The following TACO1 variants were observed in gnomAD, a reference collection of about 807,000 sequenced individuals.
TACO1 encodes translational activator of cytochrome c oxidase I.
Under a neutral mutation model 24.0 loss-of-function variants are expected in TACO1, and 13 were observed. The observed-to-expected ratio is 0.54, with a 90% CI of 0.35 to 0.86. The LOEUF is 0.86. Among genes scored for constraint, TACO1 ranks in the 40% least tolerant of loss-of-function variants. TACO1 has a pLI of 0.01. For missense variants in TACO1, 352 were observed against 380.1 expected (o/e 0.93, Z 0.61); for synonymous variants, 149 against 153.5 (o/e 0.97, Z 0.22).
chr17:63,608,135 T>A lies in TACO1; in HGVS notation c.*133T>A. 1.0e-6 allele frequency: 1 copy of A among 987,116 alleles called. No individual in the cohort carries two copies. Among genetic ancestry groups the A allele is most frequent in the South Asian group, 1.4e-5 (1 of 72,672 alleles). The allele number at this position is 987,116 out of a possible 1,614,324, so 61.1% of individuals were successfully genotyped here. On this transcript the variant is annotated 3_prime_UTR_variant, in exon 5 of 5. Coordinates refer to ENST00000258975, the MANE Select transcript of TACO1 (RefSeq NM_016360.4). ...GGCCAGGAGGCCCAAGGACAGGACTTGCGACCTTGAAGCCAAAGGAATCTC... is the reference window on the plus strand; with the variant it reads ...GGCCAGGAGGCCCAAGGACAGGACTAGCGACCTTGAAGCCAAAGGAATCTC...
Position 63,601,498 on chromosome 17 carries a change from G to A in TACO1, c.280+135G>A, listed in dbSNP as rs2033821529. 4 of 966,152 alleles carry A rather than the reference G, an allele frequency of 4.1e-6. No homozygotes were observed. In the Admixed American group the frequency reaches 8.1e-5, roughly 19 times the overall value. The allele number at this position is 966,152 out of a possible 1,614,324, so 59.8% of individuals were successfully genotyped here. A position where few individuals can be genotyped will look rare whatever the true frequency, so the allele number is the denominator to read the frequency against. Reference sequence around the variant, plus strand: ...TTTTCCTTCCCCAGTACCCACCATTGCCCACCTCATAAATCCTCAAAACAC... The same window carrying A: ...TTTTCCTTCCCCAGTACCCACCATTACCCACCTCATAAATCCTCAAAACAC... On this transcript the variant is annotated intron_variant, in intron 1 of 4. Coordinates refer to ENST00000258975, the MANE Select transcript of TACO1 (RefSeq NM_016360.4).
At position 63,604,615 on chromosome 17, in the gene TACO1, C is replaced by G; in HGVS notation, c.362C>G (p.Thr121Arg). ...VCRSKHMPKS[T>R]IETALKMEKS... ...CGCAGCAAACATATGCCCAAGTCAACGATTGAGACAGCACTGAAAATGGAG... is the reference window on the plus strand; with the variant it reads ...CGCAGCAAACATATGCCCAAGTCAAGGATTGAGACAGCACTGAAAATGGAG... Residue 121 changes from threonine (T) to arginine (R), a missense_variant, in exon 2 of 5, where the codon ACG becomes AGG. Coordinates refer to ENST00000258975, the MANE Select transcript of TACO1 (RefSeq NM_016360.4). 1 of 1,614,034 alleles carries G rather than the reference C, an allele frequency of 6.2e-7. No individual in the cohort carries two copies. Among genetic ancestry groups the G allele is most frequent in the Non-Finnish European group, 8.5e-7 (1 of 1,179,998 alleles).
At chr17:63,603,990 G>A (rs1010061602) in intron 1 of TACO1, among the ~76,000 whole-genome samples, 21 of 151,944 alleles carry the variant, frequency 1.4e-4, no homozygotes, top group Admixed American at 1.2e-3. Context: ...CTGCACTCCA[G>A]CCTGGGTGAC....
intron 1 of TACO1, among the ~76,000 whole-genome samples, chr17:63,602,901 C>T (rs1460638440): frequency 3.3e-5 from 5 of 152,128 alleles, no homozygotes; most frequent in African/African-American, 9.7e-5. Context: ...GAGATACAGC[C>T]CCTACCCTCA....
Position 63,606,496 on chromosome 17 carries a change from C to G in TACO1, c.515+56C>G. 5 of 1,607,534 alleles carry G rather than the reference C, an allele frequency of 3.1e-6. No individual in the cohort carries two copies. In the Admixed American group the frequency reaches 8.3e-5, roughly 27 times the overall value. On this transcript the variant is annotated intron_variant, in intron 3 of 4. Transcript: ENST00000258975. Reference sequence around the variant, plus strand: ...GACAGAGCCTTTATGTTCCAATTCTCTGCAAGGCAAGTACTGTTGATCTCT... The same window carrying G: ...GACAGAGCCTTTATGTTCCAATTCTGTGCAAGGCAAGTACTGTTGATCTCT...
intron 1 of TACO1, among the ~76,000 whole-genome samples, chr17:63,602,173 T>G (rs577628441): frequency 6.7e-6 from 1 of 148,202 alleles, no homozygotes; most frequent in African/African-American, 2.5e-5. Flanking sequence ...AGCAGGAGAA[T>G]TGCTTGAACC....
intron 1 of TACO1, among the ~76,000 whole-genome samples, chr17:63,604,018 C>CA (rs1005513192): frequency 1.5e-3 from 191 of 127,370 alleles, no homozygotes; most frequent in Admixed American, 3.0e-3. Flanking sequence ...GACTTTGTCT[C>CA]AAAAAAAAAA....
chr17:63,607,158 C>A, intron 3 of TACO1, 129 bp from the exon 4 acceptor site: 1 of 864,984 alleles, frequency 1.2e-6, no homozygotes, highest in Non-Finnish European at 1.9e-6. Context: ...CTTGAGGATG[C>A]GATCTGCTCC....
In TACO1 at chr17:63,601,140, A is replaced by G; in HGVS notation, c.57A>G (p.Ala19=). The G allele has an allele frequency of 6.5e-7, 1 of 1,543,582 alleles. No individual in the cohort carries two copies. Among genetic ancestry groups the G allele is most frequent in the East Asian group, 2.5e-5 (1 of 40,810 alleles). Residue 19 remains alanine, a synonymous_variant, in exon 1 of 5, where the codon GCA becomes GCG. Coordinates refer to ENST00000258975, the MANE Select transcript of TACO1 (RefSeq NM_016360.4). ...GGGCCGCTGCCCGATGCTTGCTGGCACGAGGCCCCGGGGTCAGGGCGGCTC... is the reference window on the plus strand; with the variant it reads ...GGGCCGCTGCCCGATGCTTGCTGGCGCGAGGCCCCGGGGTCAGGGCGGCTC... ...LSRAAARCLL[A]RGPGVRAAPP... is the part of the protein sequence containing the mutation.
chr17:63,607,709 T>G lies in TACO1; in HGVS notation c.694-93T>G, dbSNP rs138684167. The G allele has an allele frequency of 3.9e-3, 4,754 of 1,224,876 alleles. 14 individuals carry two copies. Among genetic ancestry groups the G allele is most frequent in the Non-Finnish European group, 4.8e-3 (3,994 of 837,984 alleles). The allele number at this position is 1,224,876 out of a possible 1,614,324, so 75.9% of individuals were successfully genotyped here. ...GAAGAGCTCAAACCCAGTGATCCAT[T>G]CCAGTACTGACATTCAGGACTTTGC... On this transcript the variant is annotated intron_variant, in intron 4 of 4. Coordinates refer to ENST00000258975, the MANE Select transcript of TACO1 (RefSeq NM_016360.4).
Position 63,601,141 on chromosome 17 carries a change from C to G in TACO1, c.58C>G (p.Arg20Gly). 1 of 1,543,568 alleles carries G rather than the reference C, an allele frequency of 6.5e-7. No homozygotes were observed. The highest frequency in any genetic ancestry group is 1.2e-5 in the South Asian group (1 of 83,880). ...SRAAARCLLA[R>G]GPGVRAAPPR... ...GGCCGCTGCCCGATGCTTGCTGGCA[C>G]GAGGCCCCGGGGTCAGGGCGGCTCC... The change falls in exon 1 of 5, where the codon CGA (arginine) becomes GGA (glycine). Residue 20 changes from arginine to glycine, a missense_variant. By Grantham distance (125) the Arg-to-Gly change is moderately radical. Transcript: ENST00000258975.
At position 63,604,643 on chromosome 17, in the gene TACO1, G is replaced by A. The variant is rs201517895; in HGVS notation, c.387+3G>A. ...TTGAGACAGCACTGAAAATGGAGGT[G>A]TGTACTGTTTGACATGCTTTTTATT... On this transcript the variant is annotated splice_donor_region_variant and intron_variant, in intron 2 of 4. Transcript: ENST00000258975. 7.4e-6 allele frequency: 12 copies of A among 1,613,150 alleles called. No individual in the cohort carries two copies. In the African/African-American group the frequency reaches 1.1e-4, roughly 14 times the overall value.
chr17:63,601,376 CG>C lies in TACO1; in HGVS notation c.280+15del. The C allele has an allele frequency of 6.2e-7, 1 of 1,610,948 alleles. No individual in the cohort carries two copies. The highest frequency in any genetic ancestry group is 8.5e-7 in the Non-Finnish European group (1 of 1,179,732). ...CTGGCAGTGAAAGGTGAGACCCTGA[CG>C]GTCACCCAGCACTGGCTGCCGCTGC... On this transcript the variant is annotated intron_variant, in intron 1 of 4. Coordinates refer to ENST00000258975, the MANE Select transcript of TACO1 (RefSeq NM_016360.4).
intron 1 of TACO1, 91 bp downstream of exon 1, chr17:63,601,454 T>G: frequency 1.4e-6 from 2 of 1,401,772 alleles, no homozygotes; most frequent in Non-Finnish European, 9.9e-7. Context: ...CCCACCTAGA[T>G]CTCCGGCCCT....
At position 63,607,982 on chromosome 17, in the gene TACO1, G is replaced by C. The variant is rs150322947; in HGVS notation, c.874G>C (p.Val292Leu). ...CAGCAACCACGAGGATGTGATTCACGTCTATGATAACATTGAATAACCAGG... is the reference window on the plus strand; with the variant it reads ...CAGCAACCACGAGGATGTGATTCACCTCTATGATAACATTGAATAACCAGG... ...ALSNHEDVIH[V>L]YDNIE The change falls in exon 5 of 5, where the codon GTC becomes CTC. Residue 292 changes from valine to leucine, a missense_variant. Val to Leu is a conservative substitution (Grantham distance 32). Coordinates refer to ENST00000258975, the MANE Select transcript of TACO1 (RefSeq NM_016360.4). The C allele has an allele frequency of 4.3e-6, 7 of 1,614,052 alleles. No homozygotes were observed. Among genetic ancestry groups the C allele is most frequent in the Non-Finnish European group, 5.9e-6 (7 of 1,180,046 alleles).
chr17:63,601,136 T>A lies in TACO1; in HGVS notation c.53T>A (p.Leu18Gln). The change falls in exon 1 of 5, where the codon CTG becomes CAG. Residue 18 changes from leucine (L) to glutamine (Q), a missense_variant. By Grantham distance (113) the Leu-to-Gln change is moderately radical. Coordinates refer to ENST00000258975, the MANE Select transcript of TACO1 (RefSeq NM_016360.4). ...AGCAGGGCCGCTGCCCGATGCTTGC[T>A]GGCACGAGGCCCCGGGGTCAGGGCG... The part of the protein sequence containing the change: ...SLSRAAARCL[L>Q]ARGPGVRAAP... 6.5e-7 allele frequency: 1 copy of A among 1,543,442 alleles called. No homozygotes were observed. Among genetic ancestry groups the A allele is most frequent in the Non-Finnish European group, 8.7e-7 (1 of 1,145,346 alleles).
chr17:63,601,371 C>T lies in TACO1; in HGVS notation c.280+8C>T. The T allele has an allele frequency of 1.2e-6, 2 of 1,611,482 alleles. No homozygotes were observed. Among genetic ancestry groups the T allele is most frequent in the South Asian group, 1.1e-5 (1 of 90,926 alleles). Reference sequence around the variant, plus strand: ...TCCGCCTGGCAGTGAAAGGTGAGACCCTGACGGTCACCCAGCACTGGCTGC... The same window carrying T: ...TCCGCCTGGCAGTGAAAGGTGAGACTCTGACGGTCACCCAGCACTGGCTGC... On this transcript the variant is annotated splice_region_variant and intron_variant, in intron 1 of 4. Coordinates refer to ENST00000258975, the MANE Select transcript of TACO1 (RefSeq NM_016360.4).
chr17:63,600,997 G>A lies in TACO1; in HGVS notation c.-87G>A. ...AGGTGACCGGCACAGGCGGCCGCGGGGTCCGGAACTGCTTGTTCCGGCAGT... is the reference window on the plus strand; with the variant it reads ...AGGTGACCGGCACAGGCGGCCGCGGAGTCCGGAACTGCTTGTTCCGGCAGT... On this transcript the variant is annotated 5_prime_UTR_variant, in exon 1 of 5. Coordinates refer to ENST00000258975, the MANE Select transcript of TACO1 (RefSeq NM_016360.4). The A allele has an allele frequency of 2.0e-6, 3 of 1,469,680 alleles. No individual in the cohort carries two copies. Among genetic ancestry groups the A allele is most frequent in the Non-Finnish European group, 2.8e-6 (3 of 1,090,668 alleles). 91.0% of individuals were successfully genotyped at this position (1,469,680 alleles called of 1,614,324 possible). A position where few individuals can be genotyped will look rare whatever the true frequency, so the allele number is the denominator to read the frequency against.
intron 1 of TACO1, 26 bp downstream of exon 1, chr17:63,601,389 C>T (rs1417371744): frequency 1.9e-6 from 3 of 1,608,186 alleles, no homozygotes; most frequent in Non-Finnish European, 2.5e-6. Context: ...TCACCCAGCA[C>T]TGGCTGCCGC....
Sources: allele counts gnomAD v4.1 joint callset (sites outside exome capture counted in the v4.1 genomes callset), GRCh38; gene constraint gnomAD v4.1.1; transcripts MANE v1.5; gene names NCBI Gene and HGNC (gene_info 2026-07-23, HGNC 2026-07-21).